Variants in GDA observed in about 807,000 individuals in gnomAD.
GDA encodes cytoplasmic PSD-95 interactor.
A neutral mutation model predicts 59.6 loss-of-function variants in GDA; 18 were observed. The observed-to-expected ratio is 0.30, with a 90% CI of 0.21 to 0.45. GDA has a LOEUF of 0.45. Ranked by LOEUF, GDA falls within the 20% of genes least tolerant of loss-of-function variation. The pLI, the probability that GDA is intolerant of heterozygous loss-of-function variation, is 1.00. For synonymous variants in GDA, 201 were observed against 201.1 expected, an observed-to-expected ratio of 1.00 and a Z score of 0.00; for missense variants, 427 against 552.3, an observed-to-expected ratio of 0.77 and a Z score of 2.27.
At chr9:72,224,846 T>C (rs1434023557) in intron 7 of GDA, among the ~76,000 whole-genome samples, 1 of 151,418 alleles carries the variant, frequency 6.6e-6, no homozygotes, top group Non-Finnish European at 1.5e-5. Context: ...GGAAAATTGC[T>C]GTCCAAAGAA....
At chr9:72,128,463 A>G (rs1825921577) in intron 1 of GDA, among the ~76,000 whole-genome samples, 1 of 152,150 alleles carries the variant, frequency 6.6e-6, no homozygotes, top group Non-Finnish European at 1.5e-5. Context: ...AACTACTATC[A>G]TTTTTGAGCA....
At chr9:72,245,721 A>T (rs143107762) in intron 12 of GDA, among the ~76,000 whole-genome samples, 2 of 152,364 alleles carry the variant, frequency 1.3e-5, no homozygotes, top group Non-Finnish European at 2.9e-5. Context: ...GCCAGTGATT[A>T]GTAGGTAGAG....
At chr9:72,157,470 A>G (rs1182281096) in intron 1 of GDA, among the ~76,000 whole-genome samples, 1 of 152,222 alleles carries the variant, frequency 6.6e-6, no homozygotes, top group African/African-American at 2.4e-5. Context: ...ACACTTTACA[A>G]GAATAACTAC....
At chr9:72,174,153 A>G (rs750330424) in intron 1 of GDA, among the ~76,000 whole-genome samples, 1 of 152,174 alleles carries the variant, frequency 6.6e-6, no homozygotes, top group African/African-American at 2.4e-5. Context: ...TATCAACTTC[A>G]TTTATTTATT....
At chr9:72,241,038 T>C (rs1479193234) in intron 10 of GDA, 114 bp from the exon 11 acceptor site, 8 of 659,568 alleles carry the variant, frequency 1.2e-5, no homozygotes, top group South Asian at 1.1e-4. Flanking sequence ...GTTAAGAGCT[T>C]TTTAAAAAAA....
intron 1 of GDA, among the ~76,000 whole-genome samples, chr9:72,120,844 C>T (rs12351744): frequency 0.12 from 17,913 of 152,092 alleles, 2,180 homozygotes; most frequent in African/African-American, 0.31. Context: ...CAGAAGGCAG[C>T]AGGCAGAAAA....
downstream of GDA, among the ~76,000 whole-genome samples, chr9:72,255,057 G>A (rs1016993387): frequency 6.6e-6 from 1 of 152,166 alleles, no homozygotes; most frequent in Non-Finnish European, 1.5e-5. Flanking sequence ...GCCCAGGAAG[G>A]TTATCCGGGA....
At chr9:72,215,944 A>G (rs1836055697) in intron 5 of GDA, among the ~76,000 whole-genome samples, 1 of 152,252 alleles carries the variant, frequency 6.6e-6, no homozygotes, top group South Asian at 2.1e-4. Context: ...GCACATAGGT[A>G]TCAATCCCAG....
At chr9:72,245,488 T>G (rs1324009104) in intron 12 of GDA, among the ~76,000 whole-genome samples, 1 of 152,230 alleles carries the variant, frequency 6.6e-6, no homozygotes, top group Admixed American at 6.5e-5. Flanking sequence ...TTTGAATGTG[T>G]TTGTGTATTT....
chr9:72,121,307 T>G (rs895399844), intron 1 of GDA, among the ~76,000 whole-genome samples: 4 of 151,960 alleles, frequency 2.6e-5, no homozygotes, highest in Non-Finnish European at 5.9e-5. Context: ...GAGCATAAGA[T>G]TCTATCTTGG....
rs745662788 is a variant in GDA, at chr9:72,248,382, G to C, written c.*40G>C. On this transcript the variant is annotated 3_prime_UTR_variant, in exon 14 of 14. Transcript: ENST00000358399. ...TACAAAGTTCTCCTGGGATTAGCGT[G>C]GTTCTGCATCTCCCTTGTGCCCAGG... 4.3e-6 allele frequency: 7 copies of C among 1,612,222 alleles called. No individual in the cohort carries two copies. The Admixed American group carries it at 1.2e-4, about 27-fold the overall frequency.
At chr9:72,200,285 C>T (rs551161218) in intron 2 of GDA, among the ~76,000 whole-genome samples, 1 of 152,206 alleles carries the variant, frequency 6.6e-6, no homozygotes, top group South Asian at 2.1e-4. Context: ...CGTGAGCCAC[C>T]GTGCCCAGCC....
chr9:72,183,092 TTC>T (rs1831447148), intron 1 of GDA, among the ~76,000 whole-genome samples: 1 of 152,118 alleles, frequency 6.6e-6, no homozygotes, highest in Non-Finnish European at 1.5e-5. Flanking sequence ...AGTCACTTGG[TTC>T]TGTTTTGTGG....
In GDA at chr9:72,228,143, A is replaced by T. The variant is rs778311600; in HGVS notation, c.920+103A>T. On this transcript the variant is annotated intron_variant, in intron 9 of 13. Coordinates refer to ENST00000358399, the MANE Select transcript of GDA (RefSeq NM_004293.5). The stretch of plus-strand genomic sequence containing the variant: ...GTCATTCCTCCAGGATCTCCCCTCT[A>T]TTCTGTGTTTGGCAGGACCCAGATA... 3 of 721,656 alleles carry T rather than the reference A, an allele frequency of 4.2e-6. No individual in the cohort carries two copies. In the African/African-American group the frequency reaches 5.2e-5, roughly 12 times the overall value. 44.7% of individuals were successfully genotyped at this position (721,656 alleles called of 1,614,324 possible).
intron 13 of GDA, 67 bp from the exon 14 acceptor site, chr9:72,248,205 C>T (rs1840348061): frequency 1.8e-6 from 2 of 1,081,968 alleles, no homozygotes; most frequent in Non-Finnish European, 2.9e-6. Context: ...AAATCTCTCC[C>T]AATGGCAAGG....
downstream of GDA, among the ~76,000 whole-genome samples, chr9:72,254,416 A>G (rs1174998074): frequency 6.6e-6 from 1 of 152,154 alleles, no homozygotes; most frequent in Non-Finnish European, 1.5e-5. Flanking sequence ...AAAGTAAAAA[A>G]TAAATGTTTT....
chr9:72,157,625 G>A (rs957447274), intron 1 of GDA, among the ~76,000 whole-genome samples: 6 of 152,084 alleles, frequency 3.9e-5, no homozygotes, highest in Non-Finnish European at 5.9e-5. Context: ...AATATAACAG[G>A]AGACCCTTAA....
chr9:72,186,659 TACTTGATTTGTGA>T (rs1165402892), intron 1 of GDA, among the ~76,000 whole-genome samples: 2 of 152,222 alleles, frequency 1.3e-5, no homozygotes, highest in African/African-American at 4.8e-5. Flanking sequence ...ATCTATTAAA[TACTTGATTTGTGA>T]ATTAAGGTTT....
chr9:72,247,716 C>G (rs1234982493), intron 13 of GDA, among the ~76,000 whole-genome samples: 2 of 152,180 alleles, frequency 1.3e-5, no homozygotes, highest in African/African-American at 4.8e-5. Flanking sequence ...CTCTTGTACT[C>G]ATTCGGTATC....
Sources: allele counts gnomAD v4.1 joint callset (sites outside exome capture counted in the v4.1 genomes callset), GRCh38; gene constraint gnomAD v4.1.1; transcripts MANE v1.5; gene names NCBI Gene and HGNC (gene_info 2026-07-23, HGNC 2026-07-21).